The following MYOT variants were observed in gnomAD, a reference collection of about 807,000 sequenced individuals.
MYOT encodes the protein myotilin.
MYOT carries 36 observed loss-of-function variants against 58.0 expected under a neutral mutation model. The ratio of observed to expected loss-of-function variants is 0.62; its 90% CI spans 0.48 to 0.82. The LOEUF is 0.82. MYOT is among the 40% of genes least tolerant of loss of function. MYOT has a pLI of 0.00. For synonymous variants in MYOT, 218 were observed against 204.6 expected (o/e 1.07, Z -0.56); for missense variants, 505 against 592.1 (o/e 0.85, Z 1.53).
In MYOT at chr5:137,877,066, T is replaced by A. The variant is rs552087208; in HGVS notation, c.532-454T>A. On this transcript the variant is annotated intron_variant, in intron 3 of 9. Coordinates refer to ENST00000239926, the MANE Select transcript of MYOT (RefSeq NM_006790.3). The stretch of plus-strand genomic sequence containing the variant: ...ATGCTTTGAATGGAAGAAAAGACTT[T>A]AAAAAAAAAAAAATAGAATCAGCCG... Among the ~76,000 whole-genome samples the A allele has an allele frequency of 1.4e-4, 20 of 143,370 alleles. 1 individual carries two copies. The South Asian group carries it at 1.8e-3, about 13-fold the overall frequency. The allele number at this position is 143,370 out of a possible 152,430, so 94.1% of individuals were successfully genotyped here. A position where few individuals can be genotyped will look rare whatever the true frequency, so the allele number is the denominator to read the frequency against.
rs1755015688 is a variant in MYOT, at chr5:137,870,613, A to G, written c.-39A>G. ...CACCCTTCCAGGAACAAATCATTAT[A>G]GTAATAATTTGCCTTCATCTTCCAT... On this transcript the variant is annotated 5_prime_UTR_variant, in exon 2 of 10. The change creates a new upstream start codon in the 5' untranslated region. Coordinates refer to ENST00000239926, the MANE Select transcript of MYOT (RefSeq NM_006790.3). 1 of 1,531,318 alleles carries G rather than the reference A, an allele frequency of 6.5e-7. No homozygotes were observed. 94.9% of individuals were successfully genotyped at this position (1,531,318 alleles called of 1,614,324 possible).
intron 4 of MYOT, among the ~76,000 whole-genome samples, chr5:137,878,709 G>A (rs1188659402): frequency 1.3e-5 from 2 of 152,024 alleles, no homozygotes; most frequent in Non-Finnish European, 2.9e-5. Flanking sequence ...TGTAGTCCCA[G>A]CTACTCAGGA....
rs763748887 is a variant in MYOT, at chr5:137,880,798, C to T, written c.634-18C>T. The stretch of plus-strand genomic sequence containing the variant: ...TAACAATTGCATGTAAACATTCTTA[C>T]TTTGTTTTAATTTCAAGCAACACAA... On this transcript the variant is annotated intron_variant, in intron 4 of 9. Transcript: ENST00000239926. 6.2e-7 allele frequency: 1 copy of T among 1,602,450 alleles called. No homozygotes were observed. The highest frequency in any genetic ancestry group is 8.6e-7 in the Non-Finnish European group (1 of 1,169,574).
chr5:137,879,688 C>CT (rs1187720466), intron 4 of MYOT, among the ~76,000 whole-genome samples: 3,183 of 94,496 alleles, frequency 0.034, 156 homozygotes, highest in African/African-American at 0.064. Context: ...CCACACCCGG[C>CT]TTTTTTTTTT....
intron 5 of MYOT, 34 bp downstream of exon 5, chr5:137,880,899 T>G: frequency 1.4e-6 from 2 of 1,400,134 alleles, no homozygotes; most frequent in Non-Finnish European, 2.0e-6. Flanking sequence ...AATGTATGTT[T>G]TCCTATCTAA....
chr5:137,870,288 GACACACACACACACACACACACAC>G (rs35301804), intron 1 of MYOT, among the ~76,000 whole-genome samples, 129 bp from the exon 2 acceptor site: 1 of 127,010 alleles, frequency 7.9e-6, no homozygotes, highest in Non-Finnish European at 1.6e-5. Context: ...GATTAAGCAA[GACACACACACACACACACACACAC>G]ACACACACAC....
intron 4 of MYOT, 57 bp downstream of exon 4, chr5:137,877,678 G>A (rs1338776706): frequency 1.6e-6 from 2 of 1,245,984 alleles, no homozygotes; most frequent in South Asian, 1.2e-5. Flanking sequence ...TTAAATGTCT[G>A]CTTTTCTAAA....
chr5:137,875,451 C>T (rs542856217), intron 2 of MYOT, among the ~76,000 whole-genome samples: 1 of 152,112 alleles, frequency 6.6e-6, no homozygotes, highest in South Asian at 2.1e-4. Context: ...ATACAATATA[C>T]CCATGTAACA....
chr5:137,878,847 G>C (rs1294728858), intron 4 of MYOT, among the ~76,000 whole-genome samples: 3 of 151,936 alleles, frequency 2.0e-5, no homozygotes, highest in Non-Finnish European at 4.4e-5. Flanking sequence ...AAAGAAAAAT[G>C]TTCAGTTGGA....
At chr5:137,869,429 G>A (rs913478778) in intron 1 of MYOT, among the ~76,000 whole-genome samples, 3 of 152,108 alleles carry the variant, frequency 2.0e-5, no homozygotes, top group African/African-American at 4.8e-5. Flanking sequence ...AATCCTTCAA[G>A]GTTGATTTTC....
At chr5:137,878,736 T>C (rs1247270771) in intron 4 of MYOT, among the ~76,000 whole-genome samples, 3 of 151,946 alleles carry the variant, frequency 2.0e-5, no homozygotes, top group Non-Finnish European at 2.9e-5. Context: ...GGCAGAAGAA[T>C]CGCTTGAACC....
intron 3 of MYOT, among the ~76,000 whole-genome samples, chr5:137,876,714 G>A (rs754186122): frequency 2.0e-5 from 3 of 152,168 alleles, no homozygotes; most frequent in Non-Finnish European, 4.4e-5. Flanking sequence ...TGAGAAAGGA[G>A]AATTGCTTGA....
intron 8 of MYOT, 72 bp from the exon 9 acceptor site, chr5:137,886,788 TCTGA>T (rs764340626): frequency 9.4e-7 from 1 of 1,067,858 alleles, no homozygotes; most frequent in Non-Finnish European, 1.4e-6. Flanking sequence ...TTCTTCCTAG[TCTGA>T]CTGTTGGTCA....
Position 137,868,502 on chromosome 5 carries a change from A to G in MYOT, c.-212+549A>G, listed in dbSNP as rs1754941227. On this transcript the variant is annotated intron_variant, in intron 1 of 9. Coordinates refer to ENST00000239926, the MANE Select transcript of MYOT (RefSeq NM_006790.3). ...AAATGTCTGCATAAAATTTTGACACATGGATAAAATGAAACTTATGAAATA... is the reference window on the plus strand; with the variant it reads ...AAATGTCTGCATAAAATTTTGACACGTGGATAAAATGAAACTTATGAAATA... Among the ~76,000 whole-genome samples the G allele has an allele frequency of 4.6e-5, 7 of 152,228 alleles. 1 individual carries two copies. Among genetic ancestry groups the G allele is most frequent in the Admixed American group, 4.6e-4 (7 of 15,282 alleles).
rs74724169 is a variant in MYOT, at chr5:137,886,640, C to T, written c.1191-224C>T. The T allele has an allele frequency of 9.0e-5, 53 of 591,212 alleles. 1 individual carries two copies. The East Asian group carries it at 1.8e-3, about 20-fold the overall frequency. 36.6% of individuals were successfully genotyped at this position (591,212 alleles called of 1,614,324 possible). On this transcript the variant is annotated intron_variant, in intron 8 of 9. Transcript: ENST00000239926. ...GCATAAATACAAACACAGACACACC[C>T]GAGTGAATGACAGGGACCATCAGGG...
intron 4 of MYOT, among the ~76,000 whole-genome samples, chr5:137,877,859 T>C (rs1019377760): frequency 1.3e-5 from 2 of 152,166 alleles, no homozygotes; most frequent in Non-Finnish European, 2.9e-5. Flanking sequence ...AGAAGTCTAA[T>C]GGTATTATTT....
In MYOT at chr5:137,876,229, A is replaced by G; in HGVS notation, c.531+226A>G. On this transcript the variant is annotated intron_variant, in intron 3 of 9. Transcript: ENST00000239926. Reference sequence around the variant, plus strand: ...ATGAAAAATGTATCTGAATGGTTTAATGAAATTTTTCTGTTATTAAATATT... The same window carrying G: ...ATGAAAAATGTATCTGAATGGTTTAGTGAAATTTTTCTGTTATTAAATATT... The G allele has an allele frequency of 1.9e-5, 10 of 529,416 alleles. No homozygotes were observed. The South Asian group carries it at 2.3e-4, about 12-fold the overall frequency. The allele number at this position is 529,416 out of a possible 1,614,324, so 32.8% of individuals were successfully genotyped here. A position where few individuals can be genotyped will look rare whatever the true frequency, so the allele number is the denominator to read the frequency against.
Position 137,887,427 on chromosome 5 carries a change from T to TA in MYOT, c.*44dup, listed in dbSNP as rs769168750. 1.9e-6 allele frequency: 3 copies of TA among 1,593,940 alleles called. No homozygotes were observed. Among genetic ancestry groups the TA allele is most frequent in the Non-Finnish European group, 8.6e-7 (1 of 1,162,874 alleles). ...GGAAAACAGCCAACTACACCATTAG[T>TA]AATATATTTGATTACATTTTTTTGA... On this transcript the variant is annotated 3_prime_UTR_variant, in exon 10 of 10. Coordinates refer to ENST00000239926, the MANE Select transcript of MYOT (RefSeq NM_006790.3).
intron 2 of MYOT, among the ~76,000 whole-genome samples, chr5:137,871,622 C>T (rs1392009578): frequency 2.6e-5 from 4 of 152,190 alleles, no homozygotes; most frequent in African/African-American, 9.6e-5. Flanking sequence ...GGCTTATGAC[C>T]TTACGGTTTC....
Sources: gnomAD v4.1 joint callset for allele counts (sites outside exome capture counted in the v4.1 genomes callset) on GRCh38, gnomAD v4.1.1 for gene constraint, MANE v1.5 for transcripts, NCBI Gene and HGNC (gene_info 2026-07-23, HGNC 2026-07-21) for gene names.